The following HCCS variants were observed in gnomAD, a reference collection of about 807,000 sequenced individuals.
HCCS encodes the protein holocytochrome c synthase.
In HCCS, 2 loss-of-function variants were observed where a neutral mutation model predicts 24.2. The observed-to-expected ratio is 0.08, with a 90% confidence interval of 0.03 to 0.26. HCCS has a LOEUF of 0.26. HCCS is among the 10% of genes least tolerant of loss of function. The pLI is 1.00. For missense variants in HCCS, 150 were observed against 213.3 expected (o/e 0.70, Z 1.85); for synonymous variants, 73 against 76.2 (o/e 0.96, Z 0.22).
intron 2 of HCCS, among the ~76,000 whole-genome samples, chrX:11,112,647 T>G (rs1171580374): frequency 2.7e-5 from 3 of 112,681 alleles, no homozygotes; most frequent in African/African-American, 6.5e-5. Context: ...ATCTGTAAGA[T>G]GAAGATATAA....
At chrX:11,112,886 C>T (rs2045421595) in intron 2 of HCCS, among the ~76,000 whole-genome samples, 1 of 112,543 alleles carries the variant, frequency 8.9e-6, no homozygotes, top group Non-Finnish European at 1.9e-5. Flanking sequence ...TCCTAAACAT[C>T]CTACAATGTA....
intron 1 of HCCS, 148 bp downstream of exon 1, chrX:11,111,666 C>T (rs2045409177): frequency 4.4e-6 from 1 of 227,129 alleles, no homozygotes. Flanking sequence ...GGGGTCAAGT[C>T]TAGGCTCAAT....
intron 1 of HCCS, 146 bp from the exon 2 acceptor site, chrX:11,111,873 A>G: frequency 2.1e-6 from 1 of 469,009 alleles, no homozygotes; most frequent in Admixed American, 3.0e-5. Flanking sequence ...AGGGGGCAAT[A>G]TATTAAAGCT....
intron 3 of HCCS, among the ~76,000 whole-genome samples, chrX:11,115,425 A>G (rs2147250784): frequency 8.9e-6 from 1 of 112,136 alleles, no homozygotes; most frequent in South Asian, 3.7e-4. Flanking sequence ...TGTGACTGCC[A>G]GCAAATTTAA....
chrX:11,118,370 C>A, intron 4 of HCCS, 131 bp from the exon 5 acceptor site: 1 of 624,252 alleles, frequency 1.6e-6, no homozygotes, highest in Non-Finnish European at 2.7e-6. Flanking sequence ...CTGTTAAATT[C>A]AGAGAAAATG....
chrX:11,120,819 A>T, intron 5 of HCCS, 88 bp from the exon 6 acceptor site: 3 of 744,134 alleles, frequency 4.0e-6, no homozygotes, highest in Non-Finnish European at 6.4e-6. Flanking sequence ...TACAGGAAAA[A>T]AATGGATATT....
intron 2 of HCCS, 117 bp from the exon 3 acceptor site, chrX:11,114,718 C>G (rs953337725): frequency 3.1e-6 from 2 of 644,181 alleles, no homozygotes; most frequent in Non-Finnish European, 5.1e-6. Flanking sequence ...CAGAAGAAAC[C>G]TGGCTTTTCC....
chrX:11,113,517 AGT>A (rs764242244), intron 2 of HCCS, among the ~76,000 whole-genome samples: 86 of 112,372 alleles, frequency 7.7e-4, no homozygotes, highest in Non-Finnish European at 1.6e-3. Context: ...AAGGACAGGC[AGT>A]GTTCTTCTGG....
chrX:11,114,649 A>G (rs1157428998), intron 2 of HCCS, among the ~76,000 whole-genome samples, 186 bp from the exon 3 acceptor site: 3 of 112,578 alleles, frequency 2.7e-5, no homozygotes, highest in Non-Finnish European at 5.6e-5. Flanking sequence ...TAAATTTTAG[A>G]ACCTTCTCAT....
chrX:11,122,425 A>G lies in HCCS; in HGVS notation c.*615A>G, dbSNP rs2045499770. The G allele has an allele frequency of 8.9e-6, 1 of 112,650 alleles. No individual in the cohort carries two copies. Among genetic ancestry groups the G allele is most frequent in the African/African-American group, 3.2e-5 (1 of 30,908 alleles). The allele number at this position is 112,650 out of a possible 1,213,427, so 9.3% of individuals were successfully genotyped here. The stretch of plus-strand genomic sequence containing the variant: ...ATGAATTTCTTGGACTGGATAGAGT[A>G]CTTTCAACTATACCTTCCTTTGGAA... On this transcript the variant is annotated 3_prime_UTR_variant, in exon 7 of 7. Coordinates refer to ENST00000380762, the MANE Select transcript of HCCS (RefSeq NM_005333.5).
In HCCS at chrX:11,121,708, C is replaced by T. The variant is rs761396217; in HGVS notation, c.705C>T (p.Asn235=). Residue 235 remains asparagine (N), a synonymous_variant, in exon 7 of 7, where the codon AAC becomes AAT. Coordinates refer to ENST00000380762, the MANE Select transcript of HCCS (RefSeq NM_005333.5). ...ATTATTATGATGGTGGTGAAGTCAA[C>T]AAGGACTACCAGTTCACCATCCTGG... is the stretch of plus-strand genomic sequence containing the variant. ...VIDYYDGGEV[N]KDYQFTILDV... The T allele has an allele frequency of 1.0e-5, 12 of 1,205,421 alleles. No homozygotes were observed. Among genetic ancestry groups the T allele is most frequent in the Non-Finnish European group, 1.3e-5 (12 of 889,493 alleles).
At position 11,111,355 on chromosome X, in the gene HCCS, A is replaced by AGGCGGCGGCGGC. The variant is rs3086668; in HGVS notation, c.-192_-181dup. 256 of 162,632 alleles carry AGGCGGCGGCGGC rather than the reference A, an allele frequency of 1.6e-3. 8 individuals carry two copies. The highest frequency in any genetic ancestry group is 3.5e-3 in the African/African-American group (105 of 30,290). 13.4% of individuals were successfully genotyped at this position (162,632 alleles called of 1,213,427 possible). A position where few individuals can be genotyped will look rare whatever the true frequency, so the allele number is the denominator to read the frequency against. On this transcript the variant is annotated 5_prime_UTR_variant, in exon 1 of 7. Transcript: ENST00000380762. ...CCACAGCGGTGACCGAGTGAGAGGA[A>AGGCGGCGGCGGC]GGCGGCGGCGGCGGCGGCGGCGGCG...
intron 5 of HCCS, among the ~76,000 whole-genome samples, chrX:11,119,080 G>A (rs1026270520): frequency 9.0e-6 from 1 of 111,690 alleles, no homozygotes; most frequent in African/African-American, 3.3e-5. Context: ...AGCCTGGGAA[G>A]TCCCAAAGTG....
chrX:11,117,487 T>C (rs1226886586), intron 4 of HCCS, 72 bp downstream of exon 4: 2 of 913,600 alleles, frequency 2.2e-6, no homozygotes, highest in Non-Finnish European at 3.2e-6. Context: ...AAAGAGATTT[T>C]TTACCTTCAA....
intron 6 of HCCS, 26 bp from the exon 7 acceptor site, chrX:11,121,586 C>T: frequency 8.6e-7 from 1 of 1,160,462 alleles, no homozygotes; most frequent in Non-Finnish European, 1.2e-6. Flanking sequence ...AGCATTTTAA[C>T]ACTCAGTGGC....
At chrX:11,118,462 A>T in intron 4 of HCCS, 39 bp from the exon 5 acceptor site, 1 of 1,158,034 alleles carries the variant, frequency 8.6e-7, no homozygotes, top group African/African-American at 1.8e-5. Context: ...TGGCATTATC[A>T]GGAACAGTTG....
chrX:11,116,968 G>A lies in HCCS; in HGVS notation c.253-299G>A, dbSNP rs73496321. On this transcript the variant is annotated intron_variant, in intron 3 of 6. Coordinates refer to ENST00000380762, the MANE Select transcript of HCCS (RefSeq NM_005333.5). ...TTTAGAAATGCCTGAAGATCGTGGC[G>A]TTAGTTTCTACTTCTTATTCCTTGG... 0.025 allele frequency among the ~76,000 whole-genome samples: 2,865 copies of A among 112,490 alleles called. 96 individuals carry two copies. The highest frequency in any genetic ancestry group is 0.089 in the African/African-American group (2,759 of 30,916).
In HCCS at chrX:11,121,012, GTGT is replaced by G. The variant is rs758644053; in HGVS notation, c.608+24_608+26del. Reference sequence around the variant, plus strand: ...GGATGGGGTGAGTGTCAGCGCAGAAGTGTTGTTTCACCATCCTCAGGTCAGGGT... The same window carrying G: ...GGATGGGGTGAGTGTCAGCGCAGAAGTGTTTCACCATCCTCAGGTCAGGGT... On this transcript the variant is annotated intron_variant, in intron 6 of 6. Coordinates refer to ENST00000380762, the MANE Select transcript of HCCS (RefSeq NM_005333.5). 1.0e-5 allele frequency: 12 copies of G among 1,149,395 alleles called. No individual in the cohort carries two copies. In the Admixed American group the frequency reaches 2.4e-4, roughly 23 times the overall value. The allele number at this position is 1,149,395 out of a possible 1,213,427, so 94.7% of individuals were successfully genotyped here. A position where few individuals can be genotyped will look rare whatever the true frequency, so the allele number is the denominator to read the frequency against.
rs182850176 is a variant in HCCS, at chrX:11,118,704, T to G, written c.521+84T>G. The G allele has an allele frequency of 2.7e-3, 2,719 of 1,014,183 alleles. 7 individuals carry two copies. Among genetic ancestry groups the G allele is most frequent in the Non-Finnish European group, 2.7e-3 (1,972 of 718,914 alleles). The allele number at this position is 1,014,183 out of a possible 1,213,427, so 83.6% of individuals were successfully genotyped here. On this transcript the variant is annotated intron_variant, in intron 5 of 6. Transcript: ENST00000380762. ...CTAGAGTTTTAACATTCAAATCATTTGTTCTAATAAAACATTTTATGTAGC... is the reference window on the plus strand; with the variant it reads ...CTAGAGTTTTAACATTCAAATCATTGGTTCTAATAAAACATTTTATGTAGC...
Sources: gnomAD v4.1 joint callset for allele counts (sites outside exome capture counted in the v4.1 genomes callset) on GRCh38, gnomAD v4.1.1 for gene constraint, MANE v1.5 for transcripts, NCBI Gene and HGNC (gene_info 2026-07-23, HGNC 2026-07-21) for gene names.